SPTLC2: variants seen among roughly 807,000 people sequenced by gnomAD.
The protein encoded by SPTLC2 is serine palmitoyltransferase long chain base subunit 2.
In SPTLC2, 21 loss-of-function variants were observed where a neutral mutation model predicts 62.0. The observed-to-expected ratio is 0.34, with a 90% CI of 0.24 to 0.49. The LOEUF (loss-of-function observed/expected upper bound fraction) is 0.49. Ranked by LOEUF, SPTLC2 falls within the 20% of genes least tolerant of loss-of-function variation. The pLI, the probability that SPTLC2 is intolerant of heterozygous loss-of-function variation, is 0.99. For missense variants in SPTLC2, 511 were observed against 713.0 expected (o/e 0.72, Z 3.23); for synonymous variants, 261 against 261.8 (o/e 1.00, Z 0.03).
At chr14:77,542,878 G>A (rs2079508788) in intron 9 of SPTLC2, among the ~76,000 whole-genome samples, 1 of 152,058 alleles carries the variant, frequency 6.6e-6, no homozygotes, top group South Asian at 2.1e-4. Flanking sequence ...AAGCAGCAGG[G>A]GCAAGCTTAA....
At chr14:77,593,119 A>T (rs7159486) in intron 2 of SPTLC2, among the ~76,000 whole-genome samples, 24,289 of 151,580 alleles carry the variant, frequency 0.16, 2,382 homozygotes, top group African/African-American at 0.27. Context: ...AAAAAAAATT[A>T]AAAAAATTAA....
At chr14:77,552,372 C>T (rs1050626770) in intron 8 of SPTLC2, 150 bp from the exon 9 acceptor site, 7 of 967,984 alleles carry the variant, frequency 7.2e-6, no homozygotes, top group East Asian at 2.6e-5. Context: ...CCAACATGGT[C>T]GAAGCATACC....
At chr14:77,593,053 A>G (rs2079827029) in intron 2 of SPTLC2, among the ~76,000 whole-genome samples, 1 of 151,914 alleles carries the variant, frequency 6.6e-6, no homozygotes, top group Admixed American at 6.6e-5. Flanking sequence ...CAGTGAGCCG[A>G]GATCACGCCA....
intron 9 of SPTLC2, chr14:77,535,786 A>T: frequency 3.0e-6 from 1 of 330,556 alleles, no homozygotes; most frequent in Non-Finnish European, 5.9e-6. Flanking sequence ...TGCTTGACTG[A>T]TTCCTCTACT....
chr14:77,544,066 C>T (rs1489570813), intron 9 of SPTLC2, among the ~76,000 whole-genome samples: 1 of 152,144 alleles, frequency 6.6e-6, no homozygotes, highest in South Asian at 2.1e-4. Flanking sequence ...TTCCCTCTCT[C>T]ATCCAAGCTG....
intron 5 of SPTLC2, among the ~76,000 whole-genome samples, chr14:77,563,111 C>T (rs1437800954): frequency 6.6e-6 from 1 of 151,844 alleles, no homozygotes; most frequent in Non-Finnish European, 1.5e-5. Flanking sequence ...GCAGTTCTTA[C>T]TCTTCCATCT....
chr14:77,541,561 G>A (rs1474504), intron 9 of SPTLC2, among the ~76,000 whole-genome samples: 146,236 of 152,258 alleles, frequency 0.96, 70,519 homozygotes, highest in East Asian at 1. Flanking sequence ...TCTAACAGTA[G>A]GTCATCAAAT....
At chr14:77,612,080 C>T (rs569809288) in intron 1 of SPTLC2, among the ~76,000 whole-genome samples, 24 of 152,254 alleles carry the variant, frequency 1.6e-4, no homozygotes, top group African/African-American at 5.5e-4. Context: ...TTCTCAGAAA[C>T]TACCCAGAAG....
intron 1 of SPTLC2, among the ~76,000 whole-genome samples, chr14:77,604,866 CAAAAAA>C: frequency 1.1e-5 from 1 of 94,190 alleles, no homozygotes. Flanking sequence ...GACTCTTTCT[CAAAAAA>C]AAAAAAAAAA....
At position 77,616,570 on chromosome 14, in the gene SPTLC2, C is replaced by A; in HGVS notation, c.10G>T (p.Glu4Ter). MRP[E>*]PGGCCCRRTV... is the part of the protein sequence containing the mutation. ...CGGCGGCAGCAGCAGCCTCCGGGCTCCGGCCGCATCTTCCTGGCAGCACCA... is the reference window on the plus strand; with the variant it reads ...CGGCGGCAGCAGCAGCCTCCGGGCTACGGCCGCATCTTCCTGGCAGCACCA... The change falls in exon 1 of 12, where the codon GAG (glutamate) becomes TAG (stop). Residue 4 changes from glutamate (E) to a stop codon, truncating the protein, a stop_gained. Transcript: ENST00000216484. LOFTEE classifies it high-confidence loss of function. 6.5e-7 allele frequency: 1 copy of A among 1,537,996 alleles called. No homozygotes were observed. The highest frequency in any genetic ancestry group is 8.7e-7 in the Non-Finnish European group (1 of 1,147,990).
At position 77,555,651 on chromosome 14, in the gene SPTLC2, C is replaced by T. The variant is rs12101243; in HGVS notation, c.957-132G>A. On this transcript the variant is annotated intron_variant, in intron 7 of 11. Coordinates refer to ENST00000216484, the MANE Select transcript of SPTLC2 (RefSeq NM_004863.4). The stretch of plus-strand genomic sequence containing the variant: ...TTTTTCTTGGGACAGAGTTTTGCTC[C>T]ATTGTCCAGGCTGAAGTGCAGTGGC... The T allele has an allele frequency of 7.3e-3, 6,721 of 925,986 alleles. 335 individuals carry two copies. The African/African-American group carries it at 0.098, about 14-fold the overall frequency. The allele number at this position is 925,986 out of a possible 1,614,324, so 57.4% of individuals were successfully genotyped here.
rs185264859 is a variant in SPTLC2 at position 77,539,842 on chromosome 14, T to C, written c.1303+12254A>G. On this transcript the variant is annotated intron_variant, in intron 9 of 11. Transcript: ENST00000216484. ...TATTTTTTTGTAGCTGGCACGTGGTTAAGTAGTCAAAAACAGATTGCTGAC... is the reference window on the plus strand; with the variant it reads ...TATTTTTTTGTAGCTGGCACGTGGTCAAGTAGTCAAAAACAGATTGCTGAC... Among the ~76,000 whole-genome samples, 779 of 152,252 alleles carry C rather than the reference T, an allele frequency of 5.1e-3. 6 individuals carry two copies. Among genetic ancestry groups the C allele is most frequent in the African/African-American group, 0.018 (732 of 41,548 alleles).
intron 3 of SPTLC2, 38 bp downstream of exon 3, chr14:77,578,917 T>C: frequency 6.2e-7 from 1 of 1,610,414 alleles, no homozygotes; most frequent in African/African-American, 1.3e-5. Flanking sequence ...GAAACCCTTT[T>C]GTAATTGTTG....
At chr14:77,611,029 C>A (rs1595021729) in intron 1 of SPTLC2, among the ~76,000 whole-genome samples, 1 of 142,072 alleles carries the variant, frequency 7.0e-6, no homozygotes, top group South Asian at 2.2e-4. Context: ...CATGGTGGCT[C>A]AAGCCTGTAA....
chr14:77,589,424 T>C (rs1290225469), intron 2 of SPTLC2, among the ~76,000 whole-genome samples: 4 of 152,096 alleles, frequency 2.6e-5, no homozygotes, highest in African/African-American at 9.7e-5. Context: ...TACAAATACT[T>C]CAAAATACTT....
intron 1 of SPTLC2, among the ~76,000 whole-genome samples, chr14:77,611,734 G>T (rs1421266385): frequency 6.6e-6 from 1 of 151,808 alleles, no homozygotes; most frequent in African/African-American, 2.4e-5. Flanking sequence ...GCTGAGGCTG[G>T]AGAATCGCTT....
intron 9 of SPTLC2, among the ~76,000 whole-genome samples, chr14:77,551,342 G>GATCACACC (rs149751853): frequency 0.42 from 56,077 of 133,054 alleles, 12,716 homozygotes; most frequent in East Asian, 0.87. Flanking sequence ...AGTGAGCCAA[G>GATCACACC]ATCACACCAC....
rs757276428 is a variant in SPTLC2 at position 77,557,143 on chromosome 14, A to G, written c.854T>C (p.Met285Thr). The G allele has an allele frequency of 2.5e-6, 4 of 1,612,760 alleles. No individual in the cohort carries two copies. In the South Asian group the frequency reaches 3.3e-5, roughly 13 times the overall value. Residue 285 changes from methionine (M) to threonine (T), a missense_variant, in exon 7 of 12, where the codon ATG becomes ACG. Physicochemically the swap from Met to Thr is moderately conservative, Grantham distance 81. Transcript: ENST00000216484. ...TTTCAATAGCTTCTCTAGGCTTTGCATATCTACAGAGCACAAAAAAGAACA... is the reference window on the plus strand; with the variant it reads ...TTTCAATAGCTTCTCTAGGCTTTGCGTATCTACAGAGCACAAAAAAGAACA... ...ATIRIFKHNN[M>T]QSLEKLLKDA...
chr14:77,587,068 CA>C (rs1444318192), intron 2 of SPTLC2, among the ~76,000 whole-genome samples: 1 of 152,016 alleles, frequency 6.6e-6, no homozygotes, highest in Non-Finnish European at 1.5e-5. Flanking sequence ...ACTAAAAATA[CA>C]AAAACAAAAT....
Sources: gnomAD v4.1 joint callset for allele counts (sites outside exome capture counted in the v4.1 genomes callset) on GRCh38, gnomAD v4.1.1 for gene constraint, MANE v1.5 for transcripts, NCBI Gene and HGNC (gene_info 2026-07-23, HGNC 2026-07-21) for gene names.